ZFP37: variants seen among roughly 807,000 people sequenced by gnomAD.
ZFP37 encodes ZFP37 zinc finger protein, also known as zinc finger protein 37 homolog.
In ZFP37, 38 loss-of-function variants were observed where a neutral mutation model predicts 52.1. The observed-to-expected ratio is 0.73, with a 90% CI of 0.56 to 0.96. The LOEUF (loss-of-function observed/expected upper bound fraction) is 0.96. Among genes scored for constraint, ZFP37 ranks in the 40% least tolerant of loss-of-function variants. The pLI, the probability that ZFP37 is intolerant of heterozygous loss-of-function variation, is 0.00. For missense variants in ZFP37, 695 were observed against 741.4 expected, an observed-to-expected ratio of 0.94 and a Z score of 0.73; for synonymous variants, 253 against 259.5, an observed-to-expected ratio of 0.98 and a Z score of 0.24.
rs1292150695 is a variant in ZFP37, at chr9:113,043,841, A to G, written c.777T>C (p.His259=). The G allele has an allele frequency of 6.2e-7, 1 of 1,614,072 alleles. No individual in the cohort carries two copies. Among genetic ancestry groups the G allele is most frequent in the African/African-American group, 1.3e-5 (1 of 75,044 alleles). ...HDKLCCHSSS[H]IKQDKIQTGE... is the part of the protein sequence containing the mutation. Reference sequence around the variant, plus strand: ...CAGTTTGAATTTTGTCCTGTTTAATATGGGATGAACTATGACAGCATAATT... The same window carrying G: ...CAGTTTGAATTTTGTCCTGTTTAATGTGGGATGAACTATGACAGCATAATT... The change falls in exon 4 of 4, where the codon CAT becomes CAC. Residue 259 remains histidine (H), a synonymous_variant. Coordinates refer to ENST00000374227, the MANE Select transcript of ZFP37 (RefSeq NM_003408.3).
chr9:113,043,575 G>T lies in ZFP37; in HGVS notation c.1043C>A (p.Pro348Gln), dbSNP rs927482373. ...TTTGCCACACTGAATACATTCATATGGTTTTTCTCCGGTGTGAGTTCTCTG... is the reference window on the plus strand; with the variant it reads ...TTTGCCACACTGAATACATTCATATTGTTTTTCTCCGGTGTGAGTTCTCTG... ...VHQRTHTGEK[P>Q]YECIQCGKAH... The change falls in exon 4 of 4, where the codon CCA becomes CAA. Residue 348 changes from proline to glutamine, a missense_variant. Pro to Gln is a moderately conservative substitution (Grantham distance 76). Transcript: ENST00000374227. The T allele has an allele frequency of 6.2e-7, 1 of 1,613,868 alleles. No individual in the cohort carries two copies. The highest frequency in any genetic ancestry group is 1.3e-5 in the African/African-American group (1 of 74,906).
rs993503890 is a variant in ZFP37 at position 113,042,397 on chromosome 9, C to T, written c.*328G>A. 3 of 204,068 alleles carry T rather than the reference C, an allele frequency of 1.5e-5. No homozygotes were observed. Among genetic ancestry groups the T allele is most frequent in the African/African-American group, 7.0e-5 (3 of 42,734 alleles). 12.6% of individuals were successfully genotyped at this position (204,068 alleles called of 1,614,324 possible). On this transcript the variant is annotated 3_prime_UTR_variant, in exon 4 of 4. Transcript: ENST00000374227. ...CTTAAGTACAAAACAAGAAGAAACACAGGAACTGTCAGCATATATAACTTG... is the reference window on the plus strand; with the variant it reads ...CTTAAGTACAAAACAAGAAGAAACATAGGAACTGTCAGCATATATAACTTG...
chr9:113,047,424 T>G (rs191643325), intron 3 of ZFP37, among the ~76,000 whole-genome samples: 2 of 152,066 alleles, frequency 1.3e-5, no homozygotes, highest in African/African-American at 2.4e-5. Context: ...ACATAAATAA[T>G]AACTGAATAT....
At chr9:113,049,764 T>A (rs1164539978) in intron 2 of ZFP37, 27 bp downstream of exon 2, 1 of 1,609,584 alleles carries the variant, frequency 6.2e-7, no homozygotes, top group Non-Finnish European at 8.5e-7. Context: ...GTGGACACAT[T>A]TTGAATTACA....
At position 113,039,354 on chromosome 9, in the gene ZFP37, T is replaced by C. The variant is rs1828811348; in HGVS notation, c.*3371A>G. 1 of 152,120 alleles carries C rather than the reference T, an allele frequency of 6.6e-6. No homozygotes were observed. The highest frequency in any genetic ancestry group is 2.4e-5 in the African/African-American group (1 of 41,438). 9.4% of individuals were successfully genotyped at this position (152,120 alleles called of 1,614,324 possible). ...AAAAATGTTTCCACTTTTTTTCCTCTTCTTTATGTCAGAGGAGTTTAACAT... is the reference window on the plus strand; with the variant it reads ...AAAAATGTTTCCACTTTTTTTCCTCCTCTTTATGTCAGAGGAGTTTAACAT... On this transcript the variant is annotated 3_prime_UTR_variant, in exon 4 of 4. Coordinates refer to ENST00000374227, the MANE Select transcript of ZFP37 (RefSeq NM_003408.3).
At chr9:113,050,094 T>A in intron 1 of ZFP37, 2 of 665,430 alleles carry the variant, frequency 3.0e-6, no homozygotes, top group Non-Finnish European at 4.6e-6. Context: ...TTAAGAAATG[T>A]CCCTACTGAG....
rs577378438 is a variant in ZFP37, at chr9:113,042,648, TA to T, written c.*76del. 2.9e-4 allele frequency: 383 copies of T among 1,309,820 alleles called. 3 individuals carry two copies. The East Asian group carries it at 8.7e-3, about 30-fold the overall frequency. 81.1% of individuals were successfully genotyped at this position (1,309,820 alleles called of 1,614,324 possible). A position where few individuals can be genotyped will look rare whatever the true frequency, so the allele number is the denominator to read the frequency against. ...GTGTGACATCTTGCTAAAGGCTTTC[TA>T]ACACTCTTTAAAATCAGCATATTTC... On this transcript the variant is annotated 3_prime_UTR_variant, in exon 4 of 4. Transcript: ENST00000374227.
intron 1 of ZFP37, among the ~76,000 whole-genome samples, chr9:113,051,197 G>GAAA (rs1227127500): frequency 1.9e-4 from 29 of 152,250 alleles, no homozygotes; most frequent in Non-Finnish European, 4.0e-4. Context: ...TTGATAATGT[G>GAAA]CTTGTACAAC....
rs569446345 is a variant in ZFP37, at chr9:113,053,507, G to A, written c.132+3050C>T. ...CAAATTTATAACACACATGCCAAATGGACACCTAATCCTGTCAGTAGTCCT... is the reference window on the plus strand; with the variant it reads ...CAAATTTATAACACACATGCCAAATAGACACCTAATCCTGTCAGTAGTCCT... On this transcript the variant is annotated intron_variant, in intron 1 of 3. Transcript: ENST00000374227. 9.2e-5 allele frequency among the ~76,000 whole-genome samples: 14 copies of A among 152,180 alleles called. No individual in the cohort carries two copies. The South Asian group carries it at 2.9e-3, about 32-fold the overall frequency.
Position 113,043,231 on chromosome 9 carries a change from A to T in ZFP37, c.1387T>A (p.Cys463Ser), listed in dbSNP as rs749300233. 6.2e-7 allele frequency: 1 copy of T among 1,613,854 alleles called. No individual in the cohort carries two copies. The highest frequency in any genetic ancestry group is 8.5e-7 in the Non-Finnish European group (1 of 1,179,982). Residue 463 changes from cysteine to serine, a missense_variant, in exon 4 of 4, where the codon TGT becomes AGT. Around this residue, in one of 2 missense-constraint regions of ZFP37, gnomAD observed 326 missense variants for 400.5 expected, o/e 0.81. Transcript: ENST00000374227. ...RIHTGEKPFE[C>S]NECGKAFSKK... ...CTGAAAGCTTTCCCACATTCATTACATTCAAAGGGTTTCTCACCTGTATGA... is the reference window on the plus strand; with the variant it reads ...CTGAAAGCTTTCCCACATTCATTACTTTCAAAGGGTTTCTCACCTGTATGA...
chr9:113,049,781 T>A lies in ZFP37; in HGVS notation c.214+10A>T. On this transcript the variant is annotated intron_variant, in intron 2 of 3. Coordinates refer to ENST00000374227, the MANE Select transcript of ZFP37 (RefSeq NM_003408.3). ...GGACACATTTTGAATTACAAAGGAA[T>A]TGTTCTTACCCATTGAGGCTTGGTT... 6.2e-7 allele frequency: 1 copy of A among 1,612,328 alleles called. No homozygotes were observed. The highest frequency in any genetic ancestry group is 1.1e-5 in the South Asian group (1 of 90,644).
In ZFP37 at chr9:113,043,016, T is replaced by C; in HGVS notation, c.1602A>G (p.Gln534=). 6.2e-7 allele frequency: 1 copy of C among 1,613,838 alleles called. No individual in the cohort carries two copies. Among genetic ancestry groups the C allele is most frequent in the Non-Finnish European group, 8.5e-7 (1 of 1,179,926 alleles). ...TCTCTCCAGTATGAACTCTCTGATG[T>C]TGAGTAAGGCCTTCAATTTGTTTAA... ...KGFKQIEGLT[Q]HQRVHTGEKP... Residue 534 remains glutamine, a synonymous_variant, in exon 4 of 4, where the codon CAA becomes CAG. Coordinates refer to ENST00000374227, the MANE Select transcript of ZFP37 (RefSeq NM_003408.3).
intron 3 of ZFP37, among the ~76,000 whole-genome samples, chr9:113,046,316 T>C (rs1221544116): frequency 1.3e-5 from 2 of 151,586 alleles, no homozygotes; most frequent in East Asian, 3.9e-4. Flanking sequence ...AGAAGTGCAG[T>C]TGCTGGCTGC....
chr9:113,044,137 T>G lies in ZFP37; in HGVS notation c.481A>C (p.Asn161His), dbSNP rs749309412. The change falls in exon 4 of 4, where the codon AAT becomes CAT. Residue 161 changes from asparagine (N) to histidine (H), a missense_variant. Asn to His is a moderately conservative substitution (Grantham distance 68, BLOSUM62 1). Coordinates refer to ENST00000374227, the MANE Select transcript of ZFP37 (RefSeq NM_003408.3). ...GSDCGSLGKKNNLHKKHVPSK... is the reference protein window; with the variant it reads ...GSDCGSLGKKHNLHKKHVPSK... ...GGAACATGTTTTTTATGCAAATTAT[T>G]TTTTTTCCCCAGTGAACCACAGTCA... 3 of 1,611,806 alleles carry G rather than the reference T, an allele frequency of 1.9e-6. No individual in the cohort carries two copies. The South Asian group carries it at 3.3e-5, about 18-fold the overall frequency.
chr9:113,053,731 T>C (rs1189932979), intron 1 of ZFP37, among the ~76,000 whole-genome samples: 3 of 152,136 alleles, frequency 2.0e-5, no homozygotes, highest in Non-Finnish European at 4.4e-5. Context: ...AGCAACCTGT[T>C]TCCAAACTCA....
chr9:113,054,253 A>G (rs1012716094), intron 1 of ZFP37, among the ~76,000 whole-genome samples: 1 of 152,152 alleles, frequency 6.6e-6, no homozygotes, highest in Admixed American at 6.5e-5. Flanking sequence ...TTTCTTCTCT[A>G]TGCTACTTTG....
chr9:113,049,544 G>A (rs1269477031), intron 2 of ZFP37, 48 bp from the exon 3 acceptor site: 15 of 1,585,314 alleles, frequency 9.5e-6, no homozygotes, highest in Non-Finnish European at 1.2e-5. Context: ...AACCATCCCA[G>A]AAATGAAGCC....
At chr9:113,049,947 T>C in intron 1 of ZFP37, 75 bp from the exon 2 acceptor site, 1 of 1,603,720 alleles carries the variant, frequency 6.2e-7, no homozygotes, top group South Asian at 1.1e-5. Flanking sequence ...TTCATGCTAA[T>C]GTTATCCACA....
Position 113,043,633 on chromosome 9 carries a change from C to T in ZFP37, c.985G>A (p.Ala329Thr), listed in dbSNP as rs1828895834. The T allele has an allele frequency of 6.2e-7, 1 of 1,614,044 alleles. No homozygotes were observed. The highest frequency in any genetic ancestry group is 1.3e-5 in the African/African-American group (1 of 75,044). The change falls in exon 4 of 4, where the codon GCC becomes ACC. Residue 329 changes from alanine (A) to threonine (T), a missense_variant. Transcript: ENST00000374227. ...ACAAGGTGTGACTTTTGGCTAAAGG[C>T]TATCCCACATTCATTACATTCATAT... ...KPYECNECGI[A>T]FSQKSHLVVH...
Sources: allele counts gnomAD v4.1 joint callset (sites outside exome capture counted in the v4.1 genomes callset), GRCh38; gene constraint gnomAD v4.1.1; regional missense constraint gnomAD v4.1.1; transcripts MANE v1.5; gene names NCBI Gene and HGNC (gene_info 2026-07-23, HGNC 2026-07-21).